The following SLC36A1 variants were observed in gnomAD, a reference collection of about 807,000 sequenced individuals.
The protein encoded by SLC36A1 is solute carrier family 36 member 1.
Under a neutral mutation model 47.5 loss-of-function variants are expected in SLC36A1, and 30 were observed. The ratio of observed to expected loss-of-function variants is 0.63; its 90% confidence interval spans 0.47 to 0.86. The LOEUF (loss-of-function observed/expected upper bound fraction) is 0.86. Among genes scored for constraint, SLC36A1 ranks in the 40% least tolerant of loss-of-function variants. The pLI is 0.00. For synonymous variants in SLC36A1, 255 were observed against 249.7 expected, an observed-to-expected ratio of 1.02 and a Z score of -0.20; for missense variants, 517 against 606.0, an observed-to-expected ratio of 0.85 and a Z score of 1.54.
At chr5:151,464,732 T>C in intron 4 of SLC36A1, 130 bp downstream of exon 4, 2 of 776,564 alleles carry the variant, frequency 2.6e-6, no homozygotes, top group Non-Finnish European at 2.1e-6. Flanking sequence ...AGCTTATGAT[T>C]GCAGCGTTTT....
At chr5:151,453,872 A>T (rs1043129586) in intron 1 of SLC36A1, among the ~76,000 whole-genome samples, 35 of 151,608 alleles carry the variant, frequency 2.3e-4, no homozygotes, top group African/African-American at 8.2e-4. Flanking sequence ...ATAGAATAAA[A>T]TTTATTTTAT....
chr5:151,481,457 G>C (rs990411275), intron 10 of SLC36A1, among the ~76,000 whole-genome samples: 3 of 152,146 alleles, frequency 2.0e-5, no homozygotes, highest in African/African-American at 4.8e-5. Context: ...TGTTCTTTCA[G>C]ATCTTTCAGC....
chr5:151,453,739 T>A (rs1164289093), intron 1 of SLC36A1, among the ~76,000 whole-genome samples: 2 of 152,182 alleles, frequency 1.3e-5, no homozygotes, highest in East Asian at 3.9e-4. Flanking sequence ...ATGGGAACAT[T>A]AGCATTTGAA....
the SLC36A1 span, among the ~76,000 whole-genome samples, chr5:151,414,967 AT>A: frequency 0.022 from 3,372 of 152,214 alleles, 124 homozygotes; most frequent in African/African-American, 0.077. Context: ...TGGCAGGCTC[AT>A]TACATTTATG....
At chr5:151,456,550 A>AT (rs370189889) in intron 1 of SLC36A1, among the ~76,000 whole-genome samples, 13 of 150,682 alleles carry the variant, frequency 8.6e-5, no homozygotes, top group African/African-American at 1.7e-4. Context: ...TACTTCAGAG[A>AT]TTTTTTTTTT....
chr5:151,386,550 A>G, the SLC36A1 span, among the ~76,000 whole-genome samples: 1 of 152,002 alleles, frequency 6.6e-6, no homozygotes, highest in Non-Finnish European at 1.5e-5. Context: ...TTCTTGGTGT[A>G]GAACCCATTT....
At chr5:151,424,776 AT>A in the SLC36A1 span, among the ~76,000 whole-genome samples, 1,663 of 152,294 alleles carry the variant, frequency 0.011, 71 homozygotes, top group East Asian at 0.14. Context: ...AATCTTTCTA[AT>A]AACTAAGCTG....
the SLC36A1 span, among the ~76,000 whole-genome samples, chr5:151,348,981 G>A: frequency 6.6e-6 from 1 of 152,198 alleles, no homozygotes; most frequent in African/African-American, 2.4e-5. Flanking sequence ...GCTGTGATTT[G>A]AGAAGTGTTA....
the SLC36A1 span, among the ~76,000 whole-genome samples, chr5:151,530,671 A>G: frequency 6.6e-6 from 1 of 152,206 alleles, no homozygotes; most frequent in Admixed American, 6.5e-5. Context: ...AGAAATTGTT[A>G]TCTTTTAGGT....
intron 10 of SLC36A1, among the ~76,000 whole-genome samples, chr5:151,480,653 G>A (rs1039380965): frequency 6.6e-5 from 10 of 152,182 alleles, no homozygotes; most frequent in African/African-American, 2.4e-4. Context: ...CTTAATGTGT[G>A]CTGCTAAGAT....
chr5:151,375,268 C>A, the SLC36A1 span, among the ~76,000 whole-genome samples: 1 of 152,024 alleles, frequency 6.6e-6, no homozygotes, highest in Admixed American at 6.6e-5. Flanking sequence ...AGTTTTATTC[C>A]TCTGAATATG....
chr5:151,385,009 A>AGTGTGTGTGTGT, the SLC36A1 span, among the ~76,000 whole-genome samples: 111 of 128,492 alleles, frequency 8.6e-4, 2 homozygotes, highest in African/African-American at 3.5e-3. Context: ...AGAGAGAGAG[A>AGTGTGTGTGTGT]GTGTGTGTGT....
chr5:151,518,259 G>T, the SLC36A1 span, among the ~76,000 whole-genome samples: 2 of 151,838 alleles, frequency 1.3e-5, no homozygotes, highest in African/African-American at 4.8e-5. Flanking sequence ...TGAGGCAGGA[G>T]TATCACTTGA....
the SLC36A1 span, among the ~76,000 whole-genome samples, chr5:151,418,908 A>G: frequency 2.6e-5 from 4 of 152,150 alleles, no homozygotes; most frequent in Admixed American, 2.6e-4. Context: ...TAATCACCGC[A>G]TGTCAAGGGA....
At chr5:151,373,437 T>C in the SLC36A1 span, among the ~76,000 whole-genome samples, 1 of 152,132 alleles carries the variant, frequency 6.6e-6, no homozygotes, top group South Asian at 2.1e-4. Flanking sequence ...GAAACAGATA[T>C]AAGAATTAAA....
At chr5:151,361,829 G>A in the SLC36A1 span, among the ~76,000 whole-genome samples, 1 of 152,106 alleles carries the variant, frequency 6.6e-6, no homozygotes, top group Non-Finnish European at 1.5e-5. Flanking sequence ...TTGAAAAATA[G>A]CATTGCTGGA....
chr5:151,531,776 C>G, the SLC36A1 span: 1 of 1,612,584 alleles, frequency 6.2e-7, no homozygotes, highest in East Asian at 2.2e-5. This position sits in a 1 kb window ranked among gnomAD's most constrained non-coding sequence, Gnocchi z 5.7. Flanking sequence ...AGGCCCACCA[C>G]CGAGACTGTG....
At chr5:151,417,779 G>A in the SLC36A1 span, among the ~76,000 whole-genome samples, 1,432 of 152,336 alleles carry the variant, frequency 9.4e-3, 26 homozygotes, top group African/African-American at 0.033. Flanking sequence ...GGGAATTCAA[G>A]CTGGCTGCAG....
the SLC36A1 span, among the ~76,000 whole-genome samples, chr5:151,389,364 C>T: frequency 6.6e-6 from 1 of 152,002 alleles, no homozygotes; most frequent in Non-Finnish European, 1.5e-5. Flanking sequence ...TAATGCCTCC[C>T]GTCCCCTGGT....
Sources: allele counts gnomAD v4.1 joint callset (sites outside exome capture counted in the v4.1 genomes callset), GRCh38; gene constraint gnomAD v4.1.1; non-coding constraint Gnocchi (gnomAD v3.1); transcripts MANE v1.5; gene names NCBI Gene and HGNC (gene_info 2026-07-23, HGNC 2026-07-21).